CHRM5: variants seen among roughly 807,000 people sequenced by gnomAD.
The protein encoded by CHRM5 is muscarinic acetylcholine receptor M5.
In CHRM5, 18 loss-of-function variants were observed where a neutral mutation model predicts 39.0. That is an observed-to-expected ratio of 0.46 (90% CI 0.32 to 0.68). The LOEUF is 0.68. CHRM5 is among the 30% of genes least tolerant of loss of function. The probability of loss-of-function intolerance (pLI) is 0.04; values close to 1 mark genes in which losing one functional copy is unlikely to be tolerated. For synonymous variants in CHRM5, 241 were observed against 246.3 expected, an observed-to-expected ratio of 0.98 and a Z score of 0.20; for missense variants, 515 against 651.1, an observed-to-expected ratio of 0.79 and a Z score of 2.28.
chr15:34,018,766 T>C (rs1272385900), intron 1 of CHRM5, among the ~76,000 whole-genome samples: 3 of 152,230 alleles, frequency 2.0e-5, no homozygotes, highest in Admixed American at 2.0e-4. Context: ...TTTTACAGAG[T>C]GCTAATTGGT....
chr15:34,019,798 T>C (rs1898122451), intron 1 of CHRM5, among the ~76,000 whole-genome samples: 1 of 152,244 alleles, frequency 6.6e-6, no homozygotes, highest in South Asian at 2.1e-4. Context: ...TCTAGGTTTA[T>C]GTAAGTACCC....
At chr15:34,032,422 G>A (rs546477149) in intron 1 of CHRM5, among the ~76,000 whole-genome samples, 11 of 152,204 alleles carry the variant, frequency 7.2e-5, no homozygotes, top group African/African-American at 2.4e-4. Flanking sequence ...ATTTATGAGC[G>A]AGCTATTTTC....
At chr15:33,983,785 G>T (rs895741869) in intron 1 of CHRM5, among the ~76,000 whole-genome samples, 15 of 152,178 alleles carry the variant, frequency 9.9e-5, no homozygotes, top group Non-Finnish European at 1.5e-5. Flanking sequence ...TTTCTAAGTG[G>T]TAACTAAGAG....
intron 1 of CHRM5, among the ~76,000 whole-genome samples, chr15:33,998,951 T>C (rs1317201271): frequency 1.3e-5 from 2 of 152,234 alleles, no homozygotes; most frequent in South Asian, 4.1e-4. Context: ...AAATGTATTA[T>C]TGCCAACCCA....
At chr15:34,049,189 C>A (rs1453183491) in intron 2 of CHRM5, among the ~76,000 whole-genome samples, 1 of 152,208 alleles carries the variant, frequency 6.6e-6, no homozygotes, top group African/African-American at 2.4e-5. Flanking sequence ...AGGCACAGAA[C>A]TGGGCTGAAG....
At chr15:34,047,240 G>C (rs1017102537) in intron 2 of CHRM5, among the ~76,000 whole-genome samples, 1 of 152,056 alleles carries the variant, frequency 6.6e-6, no homozygotes, top group Non-Finnish European at 1.5e-5. Context: ...ACCATGCCCT[G>C]CTAACTTTTT....
At chr15:34,048,009 A>AC in intron 2 of CHRM5, among the ~76,000 whole-genome samples, 1 of 149,040 alleles carries the variant, frequency 6.7e-6, no homozygotes, top group South Asian at 2.2e-4. Flanking sequence ...GGCACACATC[A>AC]CCACGTCCAG....
intron 1 of CHRM5, among the ~76,000 whole-genome samples, chr15:34,017,626 C>T (rs1897995508): frequency 6.6e-6 from 1 of 151,928 alleles, no homozygotes; most frequent in Non-Finnish European, 1.5e-5. Flanking sequence ...ACTACAGGTG[C>T]ATGCCACCAC....
intron 1 of CHRM5, among the ~76,000 whole-genome samples, chr15:33,990,274 C>G (rs189454660): frequency 6.6e-6 from 1 of 152,044 alleles, no homozygotes; most frequent in Non-Finnish European, 1.5e-5. Flanking sequence ...CCCAGCTACT[C>G]AGGAGGCTAA....
intron 1 of CHRM5, chr15:33,972,658 A>C (rs945201224): frequency 1.1e-4 from 16 of 152,248 alleles, no homozygotes; most frequent in Admixed American, 8.5e-4. Flanking sequence ...GGTTCAATTA[A>C]GGAAACAAAA....
rs188192672 is a variant in CHRM5, at chr15:34,021,888, C to A, written c.-407-24652C>A. ...AAAATAAAATAAAATAAAATAAGAG[C>A]ACTTCCACATGGCAACATTAACATG... On this transcript the variant is annotated intron_variant, in intron 1 of 2. Coordinates refer to ENST00000383263, the MANE Select transcript of CHRM5 (RefSeq NM_012125.4). 4.2e-3 allele frequency among the ~76,000 whole-genome samples: 636 copies of A among 152,152 alleles called. 5 individuals are homozygous for A. Among genetic ancestry groups the A allele is most frequent in the African/African-American group, 0.014 (584 of 41,484 alleles).
At chr15:33,984,954 T>C (rs987619445) in intron 1 of CHRM5, among the ~76,000 whole-genome samples, 2 of 151,948 alleles carry the variant, frequency 1.3e-5, no homozygotes, top group African/African-American at 4.8e-5. Flanking sequence ...AACCAACCAA[T>C]ATTTTCACCT....
rs1469834565 is a variant in CHRM5, at chr15:34,041,590, C to G, written c.-407-4950C>G. ...CATTCACTATGCTTGATACTTTCAA[C>G]TAGTCAGTGTAAGACTCAGTAACAC... On this transcript the variant is annotated intron_variant, in intron 1 of 2. Coordinates refer to ENST00000383263, the MANE Select transcript of CHRM5 (RefSeq NM_012125.4). Among the ~76,000 whole-genome samples, 8 of 152,314 alleles carry G rather than the reference C, an allele frequency of 5.3e-5. No individual in the cohort carries two copies. The East Asian group carries it at 1.5e-3, about 29-fold the overall frequency.
In CHRM5 at chr15:34,067,181, TTGA is replaced by T. The variant is rs1458325940; in HGVS notation, c.*2869_*2871del. 1 of 152,248 alleles carries T rather than the reference TTGA, an allele frequency of 6.6e-6. No individual in the cohort carries two copies. Among genetic ancestry groups the T allele is most frequent in the East Asian group, 1.9e-4 (1 of 5,198 alleles). 9.4% of individuals were successfully genotyped at this position (152,248 alleles called of 1,614,324 possible). ...AATTTGTTTCCCCTTGGCTGTGAAT[TTGA>T]TGACTTGTCAGGGAATCTGTTTTCC... On this transcript the variant is annotated 3_prime_UTR_variant, in exon 3 of 3. Transcript: ENST00000383263.
intron 2 of CHRM5, among the ~76,000 whole-genome samples, chr15:34,050,681 A>G (rs753247951): frequency 3.9e-5 from 6 of 152,240 alleles, no homozygotes; most frequent in Non-Finnish European, 8.8e-5. Flanking sequence ...TGGAAAACAG[A>G]AAAAAGTAGG....
chr15:34,012,473 C>T (rs900591222), intron 1 of CHRM5, among the ~76,000 whole-genome samples: 2 of 152,056 alleles, frequency 1.3e-5, no homozygotes, highest in Admixed American at 1.3e-4. Context: ...TTTCTGAAGG[C>T]GGAAAGGGAT....
chr15:34,062,621 A>T (rs1174623960), intron 2 of CHRM5, 22 bp from the exon 3 acceptor site: 4 of 1,103,290 alleles, frequency 3.6e-6, no homozygotes, highest in East Asian at 2.4e-5. Flanking sequence ...GTGCGAAGCT[A>T]ATGTGTTTCC....
chr15:34,027,766 A>C (rs565572848), intron 1 of CHRM5, among the ~76,000 whole-genome samples: 8 of 152,104 alleles, frequency 5.3e-5, no homozygotes, highest in African/African-American at 1.4e-4. Flanking sequence ...GTTTGTCAAA[A>C]ACAATCAGCA....
At chr15:33,996,543 T>A (rs779244610) in intron 1 of CHRM5, among the ~76,000 whole-genome samples, 2 of 152,214 alleles carry the variant, frequency 1.3e-5, no homozygotes, top group Non-Finnish European at 2.9e-5. Context: ...CAGCCTCCGC[T>A]GGTGATACCC....
Sources: gnomAD v4.1 joint callset for allele counts (sites outside exome capture counted in the v4.1 genomes callset) on GRCh38, gnomAD v4.1.1 for gene constraint, MANE v1.5 for transcripts, NCBI Gene and HGNC (gene_info 2026-07-23, HGNC 2026-07-21) for gene names.